Variants in TTI1 observed in about 807,000 individuals in gnomAD.
TTI1 encodes TELO2 interacting protein 1.
In TTI1, 52 loss-of-function variants were observed where a neutral mutation model predicts 85.4. The ratio of observed to expected loss-of-function variants is 0.61; its 90% CI spans 0.49 to 0.77. The LOEUF (loss-of-function observed/expected upper bound fraction) is 0.77, where lower values mean the gene tolerates loss of function less well. Among genes scored for constraint, TTI1 ranks in the 30% least tolerant of loss-of-function variants. TTI1 has a pLI of 0.00. For synonymous variants in TTI1, 512 were observed against 503.9 expected (o/e 1.02, Z -0.22); for missense variants, 1,173 against 1,296.0 (o/e 0.91, Z 1.46).
At chr20:37,988,176 A>C (rs1258837180) in intron 7 of TTI1, among the ~76,000 whole-genome samples, 1 of 152,244 alleles carries the variant, frequency 6.6e-6, no homozygotes, top group Non-Finnish European at 1.5e-5. Context: ...TGCAAGGGCC[A>C]GCCTAGAAGT....
chr20:37,983,730 A>G (rs1846975983), intron 7 of TTI1, 91 bp from the exon 8 acceptor site: 3 of 1,188,968 alleles, frequency 2.5e-6, no homozygotes, highest in Non-Finnish European at 3.3e-6. Context: ...TTACCAGGCT[A>G]TTTGAGAAGA....
At chr20:38,008,085 C>T (rs542954456) in intron 2 of TTI1, among the ~76,000 whole-genome samples, 2 of 152,280 alleles carry the variant, frequency 1.3e-5, no homozygotes, top group South Asian at 2.1e-4. Context: ...TAATAAGGTG[C>T]TATTTTTCTC....
chr20:37,996,628 A>T (rs772328308), intron 6 of TTI1, 121 bp downstream of exon 6: 59 of 1,409,524 alleles, frequency 4.2e-5, no homozygotes, highest in Non-Finnish European at 5.6e-5. Context: ...TGAGGCCAAA[A>T]TAAGACGGAA....
chr20:38,016,485 G>T (rs368528900), intron 1 of TTI1, among the ~76,000 whole-genome samples: 1 of 152,140 alleles, frequency 6.6e-6, no homozygotes, highest in Non-Finnish European at 1.5e-5. Flanking sequence ...AACAAAAACC[G>T]TAATAGAGCT....
chr20:37,984,421 T>C (rs934492866), intron 7 of TTI1, among the ~76,000 whole-genome samples: 2 of 152,304 alleles, frequency 1.3e-5, no homozygotes, highest in Non-Finnish European at 1.5e-5. Flanking sequence ...TTTATCTTCG[T>C]CTGAACTTTG....
chr20:38,002,835 A>C, intron 3 of TTI1, 59 bp from the exon 4 acceptor site: 2 of 1,593,550 alleles, frequency 1.3e-6, no homozygotes, highest in Non-Finnish European at 8.6e-7. Context: ...GAGATACCTA[A>C]ATTTCTGTTC....
chr20:37,991,546 A>G (rs2073265225), intron 7 of TTI1, among the ~76,000 whole-genome samples: 1 of 152,198 alleles, frequency 6.6e-6, no homozygotes, highest in South Asian at 2.1e-4. Context: ...CTGTAAATGA[A>G]CCTTCAAACC....
intron 1 of TTI1, among the ~76,000 whole-genome samples, chr20:38,018,471 A>AAGG (rs1359018963): frequency 6.6e-6 from 1 of 152,198 alleles, no homozygotes. Context: ...ATAAGAACAT[A>AAGG]AAAGACGTGG....
chr20:38,024,398 G>A (rs1218872777), intron 1 of TTI1, among the ~76,000 whole-genome samples: 1 of 152,000 alleles, frequency 6.6e-6, no homozygotes, highest in African/African-American at 2.4e-5. Flanking sequence ...TATATATAAA[G>A]CAAATACAAG....
intron 1 of TTI1, among the ~76,000 whole-genome samples, chr20:38,022,755 T>C (rs1463620371): frequency 6.6e-6 from 1 of 152,170 alleles, no homozygotes; most frequent in African/African-American, 2.4e-5. Context: ...AGAGGGAACA[T>C]GTATATTTTC....
chr20:38,012,279 TG>T lies in TTI1; in HGVS notation c.1537del (p.His513IlefsTer12). 1 of 1,614,224 alleles carries T rather than the reference TG, an allele frequency of 6.2e-7. No homozygotes were observed. Among genetic ancestry groups the T allele is most frequent in the African/African-American group, 1.3e-5 (1 of 75,054 alleles). ...TTGCTTCCGGTAAACCACAGATTGA[TG>T]GTAAAGTTCCATAAAGTGATCCACA... is the stretch of plus-strand genomic sequence containing the variant. ...LLVDHFMELYHQSVVYRKQAA... is the reference protein window; with the variant it reads ...LLVDHFMELYXQSVVYRKQAA... On this transcript the variant is annotated frameshift_variant, in exon 2 of 8. Coordinates refer to ENST00000373447, the MANE Select transcript of TTI1 (RefSeq NM_001303457.2). LOFTEE classifies it high-confidence loss of function.
chr20:38,033,099 C>T (rs1456015634), intron 1 of TTI1, among the ~76,000 whole-genome samples: 1 of 152,112 alleles, frequency 6.6e-6, no homozygotes, highest in Non-Finnish European at 1.5e-5. Flanking sequence ...CTCCGGGGGG[C>T]TGAGTAGGAG....
At chr20:37,987,868 G>C (rs934007333) in intron 7 of TTI1, among the ~76,000 whole-genome samples, 1 of 152,172 alleles carries the variant, frequency 6.6e-6, no homozygotes, top group African/African-American at 2.4e-5. Flanking sequence ...ATAAACTCCA[G>C]ATGCCAAACC....
rs200402209 is a variant in TTI1 at position 38,011,860 on chromosome 20, G to A, written c.1957C>T (p.Leu653Phe). The change falls in exon 2 of 8, where the codon CTT (leucine) becomes TTT (phenylalanine). Residue 653 changes from leucine to phenylalanine, a missense_variant. By Grantham distance (22) the Leu-to-Phe change is conservative (BLOSUM62 0). Coordinates refer to ENST00000373447, the MANE Select transcript of TTI1 (RefSeq NM_001303457.2). The stretch of plus-strand genomic sequence containing the variant: ...CCAGCCTTCTCCAGTACTGGATAAA[G>A]GGCTGACATCAAGAGCAAACAGAAG... ...KDFCLLLMSA[L>F]YPVLEKAGDQ... 6.2e-7 allele frequency: 1 copy of A among 1,614,214 alleles called. No individual in the cohort carries two copies. The highest frequency in any genetic ancestry group is 8.5e-7 in the Non-Finnish European group (1 of 1,180,050).
In TTI1 at chr20:38,011,889, T is replaced by C; in HGVS notation, c.1928A>G (p.Lys643Arg). The C allele has an allele frequency of 6.2e-7, 1 of 1,614,222 alleles. No homozygotes were observed. The highest frequency in any genetic ancestry group is 2.2e-5 in the East Asian group (1 of 44,890). The change falls in exon 2 of 8, where the codon AAA (lysine) becomes AGA (arginine). Residue 643 changes from lysine (K) to arginine (R), a missense_variant. Lys to Arg is a conservative substitution (Grantham distance 26). Transcript: ENST00000373447. ...GIGQFAYALG[K>R]DFCLLLMSAL... ...TGACATCAAGAGCAAACAGAAGTCT[T>C]TTCCTAGTGCATATGCAAACTGGCC...
intron 3 of TTI1, 149 bp from the exon 4 acceptor site, chr20:38,002,925 T>A: frequency 9.0e-7 from 1 of 1,105,840 alleles, no homozygotes; most frequent in Non-Finnish European, 1.3e-6. Flanking sequence ...GGGGAATAGG[T>A]ACAGAAACCA....
At position 37,996,918 on chromosome 20, in the gene TTI1, A is replaced by G. The variant is rs1445231354; in HGVS notation, c.2829T>C (p.Phe943=). The G allele has an allele frequency of 6.8e-6, 11 of 1,614,178 alleles. No homozygotes were observed. The highest frequency in any genetic ancestry group is 9.3e-6 in the Non-Finnish European group (11 of 1,180,034). The change falls in exon 6 of 8, where the codon TTT becomes TTC. Residue 943 remains phenylalanine (F), a synonymous_variant. Transcript: ENST00000373447. Reference sequence around the variant, plus strand: ...CATCTTTGCAGAACCGGCTGCGAAGAAAGTCACCACACTTGCTTCCCAGGG... The same window carrying G: ...CATCTTTGCAGAACCGGCTGCGAAGGAAGTCACCACACTTGCTTCCCAGGG... ...LRTLGSKCGD[F]LRSRFCKDVL...
Position 38,013,831 on chromosome 20 carries a change from C to G in TTI1, c.-15G>C. ...AAAACTGCCATTGTGCAGCAGCCTT[C>G]CCCTCATTGAGGAAACATCCTGCAG... On this transcript the variant is annotated 5_prime_UTR_variant, in exon 2 of 8. Coordinates refer to ENST00000373447, the MANE Select transcript of TTI1 (RefSeq NM_001303457.2). 6.3e-7 allele frequency: 1 copy of G among 1,597,466 alleles called. No homozygotes were observed. Among genetic ancestry groups the G allele is most frequent in the Non-Finnish European group, 8.5e-7 (1 of 1,172,422 alleles).
chr20:38,006,867 C>CT (rs765890817), intron 2 of TTI1, among the ~76,000 whole-genome samples: 1 of 152,146 alleles, frequency 6.6e-6, no homozygotes, highest in Non-Finnish European at 1.5e-5. Context: ...CCATCAGACT[C>CT]TATGTTCCAT....
Sources: allele counts gnomAD v4.1 joint callset (sites outside exome capture counted in the v4.1 genomes callset), GRCh38; gene constraint gnomAD v4.1.1; transcripts MANE v1.5; gene names NCBI Gene and HGNC (gene_info 2026-07-23, HGNC 2026-07-21).